Variants in UBR3 observed in about 807,000 individuals in gnomAD.
UBR3 encodes E3 ubiquitin-protein ligase UBR3.
Under a neutral mutation model 243.2 loss-of-function variants are expected in UBR3, and 85 were observed. That is an observed-to-expected ratio of 0.35 (90% CI 0.29 to 0.42). The LOEUF is 0.42. Among genes scored for constraint, UBR3 ranks in the 10% least tolerant of loss-of-function variants. UBR3 has a pLI of 1.00. For missense variants in UBR3, 1,686 were observed against 2,300.8 expected, an observed-to-expected ratio of 0.73 and a Z score of 5.47; for synonymous variants, 748 against 799.8, an observed-to-expected ratio of 0.94 and a Z score of 1.09.
chr2:170,015,087 A>G (rs917840441), intron 29 of UBR3, 194 bp from the exon 30 acceptor site: 7 of 489,960 alleles, frequency 1.4e-5, no homozygotes, highest in African/African-American at 1.4e-4. Context: ...CATATAAGTA[A>G]GGATGGATAA....
chr2:170,059,418 T>TTAGAGA (rs1364633402), intron 33 of UBR3, among the ~76,000 whole-genome samples: 1 of 152,210 alleles, frequency 6.6e-6, no homozygotes, highest in Non-Finnish European at 1.5e-5. Context: ...TAGAGAAACT[T>TTAGAGA]AACTATGCCA....
At chr2:169,889,564 T>G (rs531339628) in intron 5 of UBR3, among the ~76,000 whole-genome samples, 1 of 152,192 alleles carries the variant, frequency 6.6e-6, no homozygotes, top group African/African-American at 2.4e-5. Context: ...TTCATATTTC[T>G]TTCTGGTGAA....
chr2:169,855,244 C>G (rs1173042307), intron 1 of UBR3, among the ~76,000 whole-genome samples: 1 of 152,172 alleles, frequency 6.6e-6, no homozygotes. Context: ...TAAATTTATA[C>G]TTTTGATAAA....
chr2:170,038,499 G>A (rs2090885726), intron 31 of UBR3, among the ~76,000 whole-genome samples: 2 of 152,202 alleles, frequency 1.3e-5, no homozygotes, highest in South Asian at 2.1e-4. Context: ...CTTCTTCCAG[G>A]CACTAAAGAT....
chr2:169,905,575 A>G (rs1008675649), intron 9 of UBR3, among the ~76,000 whole-genome samples: 6 of 152,142 alleles, frequency 3.9e-5, no homozygotes, highest in African/African-American at 7.2e-5. Flanking sequence ...GGGTCTCACT[A>G]TGTTGCCCAG....
At chr2:169,857,064 G>GTTTTGTTTTTTTTTTTTTTTTTTTTTT (rs1255937396) in intron 1 of UBR3, among the ~76,000 whole-genome samples, 1 of 56,082 alleles carries the variant, frequency 1.8e-5, no homozygotes, top group East Asian at 8.7e-4. Context: ...ATTTTATTAT[G>GTTTTGTTTTTTTTTTTTTTTTTTTTTT]TTTTTTTTTT....
chr2:169,956,854 C>T (rs188375904), intron 23 of UBR3, among the ~76,000 whole-genome samples: 1 of 152,180 alleles, frequency 6.6e-6, no homozygotes, highest in African/African-American at 2.4e-5. Flanking sequence ...TTAGGTTTCC[C>T]ATAACAGTGA....
At chr2:170,045,709 C>T (rs181561192) in intron 32 of UBR3, among the ~76,000 whole-genome samples, 1 of 152,224 alleles carries the variant, frequency 6.6e-6, no homozygotes, top group East Asian at 1.9e-4. Flanking sequence ...TCATGAACCC[C>T]CATATCAACT....
chr2:170,008,850 TA>T lies in UBR3; in HGVS notation c.4283del (p.Asn1428IlefsTer32). ...GAAATGGAATCTGTAATGAAAGATA[TA>T]AAAAATACCACTCAGAAGAAATATA... ...SKEMESVMKD[I>X]KNTTQKKYRD... On this transcript the variant is annotated frameshift_variant, in exon 29 of 39. Transcript: ENST00000272793. LOFTEE classifies it high-confidence loss of function. 1 of 1,520,158 alleles carries T rather than the reference TA, an allele frequency of 6.6e-7. No individual in the cohort carries two copies. The highest frequency in any genetic ancestry group is 1.9e-5 in the Admixed American group (1 of 53,784). 94.2% of individuals were successfully genotyped at this position (1,520,158 alleles called of 1,614,324 possible). A position where few individuals can be genotyped will look rare whatever the true frequency, so the allele number is the denominator to read the frequency against.
Position 169,857,067 on chromosome 2 carries a change from T to TGG in UBR3, c.546-15169_546-15168insGG, listed in dbSNP as rs2082905098. Among the ~76,000 whole-genome samples, 3 of 69,062 alleles carry TGG rather than the reference T, an allele frequency of 4.3e-5. 1 individual carries two copies. The highest frequency in any genetic ancestry group is 7.6e-5 in the Non-Finnish European group (3 of 39,620). 45.3% of individuals were successfully genotyped at this position (69,062 alleles called of 152,430 possible). A position where few individuals can be genotyped will look rare whatever the true frequency, so the allele number is the denominator to read the frequency against. On this transcript the variant is annotated intron_variant, in intron 1 of 38. Coordinates refer to ENST00000272793, the MANE Select transcript of UBR3 (RefSeq NM_172070.4). ...ATTTCCAGCATAATTTTATTATGTT[T>TGG]TTTTTTTTTTTTTTTTTTTTTTTTG...
chr2:170,061,115 C>T lies in UBR3; in HGVS notation c.4822C>T (p.Leu1608=). The change falls in exon 34 of 39, where the codon CTG becomes TTG. Residue 1608 remains leucine, a synonymous_variant. Coordinates refer to ENST00000272793, the MANE Select transcript of UBR3 (RefSeq NM_172070.4). ...TGCAGAAAAGTCTTACGAAGTATTA[C>T]TGAGCTTTGTGATAAGTGAACTATT... The part of the protein sequence containing the change: ...CDAEKSYEVL[L]SFVISELFKG... 2 of 1,597,560 alleles carry T rather than the reference C, an allele frequency of 1.3e-6. No individual in the cohort carries two copies. The highest frequency in any genetic ancestry group is 1.8e-5 in the Admixed American group (1 of 56,162).
chr2:169,997,945 A>C (rs1316900386), intron 26 of UBR3, among the ~76,000 whole-genome samples: 1 of 152,214 alleles, frequency 6.6e-6, no homozygotes, highest in Non-Finnish European at 1.5e-5. Flanking sequence ...CTCGGTTTTC[A>C]GGCTTTAAAT....
chr2:169,949,395 TCTC>T (rs534450112), intron 22 of UBR3: 149 of 446,926 alleles, frequency 3.3e-4, no homozygotes, highest in African/African-American at 2.3e-3. Flanking sequence ...CTGCTGATGA[TCTC>T]CTCCTTATTA....
At chr2:169,877,410 A>G (rs1252723597) in intron 3 of UBR3, 84 bp from the exon 4 acceptor site, 3 of 1,229,978 alleles carry the variant, frequency 2.4e-6, no homozygotes, top group Admixed American at 3.1e-5. Flanking sequence ...ATATTCACCT[A>G]TTTATAGATA....
chr2:169,965,937 A>C (rs1206367466), intron 24 of UBR3, among the ~76,000 whole-genome samples: 5 of 152,118 alleles, frequency 3.3e-5, no homozygotes, highest in Non-Finnish European at 5.9e-5. Context: ...TAACATACAA[A>C]ATATTTCAAA....
chr2:169,874,221 T>C (rs1028255072), intron 2 of UBR3, among the ~76,000 whole-genome samples: 2 of 151,536 alleles, frequency 1.3e-5, no homozygotes, highest in African/African-American at 4.9e-5. Flanking sequence ...CAGGCTGGAG[T>C]GCAGTGGTGC....
At chr2:169,935,617 T>C (rs1389940014) in intron 19 of UBR3, among the ~76,000 whole-genome samples, 1 of 152,228 alleles carries the variant, frequency 6.6e-6, no homozygotes, top group Non-Finnish European at 1.5e-5. Context: ...TTGCCTCCTG[T>C]CTCCCATCTT....
Position 169,854,751 on chromosome 2 carries a change from A to G in UBR3, c.546-17485A>G, listed in dbSNP as rs372634294. Among the ~76,000 whole-genome samples, 23 of 152,266 alleles carry G rather than the reference A, an allele frequency of 1.5e-4. No individual in the cohort carries two copies. The East Asian group carries it at 3.3e-3, about 22-fold the overall frequency. ...TTATTTCTAATCTGAAATGAATTCA[A>G]GCTAACATAGTTATAAAATCTCAGG... On this transcript the variant is annotated intron_variant, in intron 1 of 38. Coordinates refer to ENST00000272793, the MANE Select transcript of UBR3 (RefSeq NM_172070.4).
intron 30 of UBR3, among the ~76,000 whole-genome samples, chr2:170,025,432 C>A (rs1365706630): frequency 6.6e-6 from 1 of 152,068 alleles, no homozygotes; most frequent in African/African-American, 2.4e-5. Context: ...TGATACTATT[C>A]TAGGCTGAGA....
Sources: allele counts gnomAD v4.1 joint callset (sites outside exome capture counted in the v4.1 genomes callset), GRCh38; gene constraint gnomAD v4.1.1; transcripts MANE v1.5; gene names NCBI Gene and HGNC (gene_info 2026-07-23, HGNC 2026-07-21).